SHTN1: variants seen among roughly 807,000 people sequenced by gnomAD.
SHTN1 encodes the protein shootin-1.
Under a neutral mutation model 83.1 loss-of-function variants are expected in SHTN1, and 42 were observed. The ratio of observed to expected loss-of-function variants is 0.51; its 90% confidence interval spans 0.39 to 0.65. The LOEUF (loss-of-function observed/expected upper bound fraction) is 0.65, where lower values mean the gene tolerates loss of function less well. SHTN1 is among the 30% of genes least tolerant of loss of function. The pLI is 0.00. For missense variants in SHTN1, 622 were observed against 737.8 expected (o/e 0.84, Z 1.82); for synonymous variants, 224 against 247.7 (o/e 0.90, Z 0.90).
chr10:117,041,274 A>C (rs1318686991), intron 2 of SHTN1, among the ~76,000 whole-genome samples: 1 of 152,140 alleles, frequency 6.6e-6, no homozygotes, highest in East Asian at 1.9e-4. Context: ...TATTTTCCCA[A>C]TCTAAGTATA....
intron 1 of SHTN1, among the ~76,000 whole-genome samples, chr10:117,089,427 CAT>C (rs1853397348): frequency 6.6e-6 from 1 of 152,060 alleles, no homozygotes; most frequent in African/African-American, 2.4e-5. Context: ...TAACTTACAA[CAT>C]ATAAAAAATT....
chr10:117,005,625 C>A, upstream of SHTN1: 1 of 986,806 alleles, frequency 1.0e-6, no homozygotes, highest in Non-Finnish European at 1.2e-6. Flanking sequence ...GCAGTAGACT[C>A]TGGGGGCGCG....
intron 2 of SHTN1, among the ~76,000 whole-genome samples, chr10:117,016,642 G>A (rs1405247558): frequency 6.6e-6 from 1 of 152,130 alleles, no homozygotes; most frequent in African/African-American, 2.4e-5. Flanking sequence ...CCTGACCTTA[G>A]GTGATCTGCC....
At chr10:117,097,030 GACAC>G (rs5788209) in intron 1 of SHTN1, among the ~76,000 whole-genome samples, 1,671 of 149,042 alleles carry the variant, frequency 0.011, 15 homozygotes, top group Middle Eastern at 0.028. Flanking sequence ...CACACACATA[GACAC>G]ACACACACAC....
intron 16 of SHTN1, among the ~76,000 whole-genome samples, chr10:116,889,458 C>A (rs1033590652): frequency 6.6e-6 from 1 of 152,134 alleles, no homozygotes; most frequent in Non-Finnish European, 1.5e-5. Flanking sequence ...TGAATCTAGG[C>A]ATGGAGGGAG....
chr10:116,909,881 G>A (rs1017292947), intron 14 of SHTN1, among the ~76,000 whole-genome samples: 2 of 151,918 alleles, frequency 1.3e-5, no homozygotes, highest in African/African-American at 4.8e-5. Context: ...GTGTTTTTTG[G>A]TTTCTTGATA....
rs930532421 is a variant in SHTN1, at chr10:116,940,410, T to C, written c.858+56A>G. The C allele has an allele frequency of 3.9e-5, 59 of 1,512,528 alleles. No homozygotes were observed. The Admixed American group carries it at 1.0e-3, about 27-fold the overall frequency. 93.7% of individuals were successfully genotyped at this position (1,512,528 alleles called of 1,614,324 possible). A position where few individuals can be genotyped will look rare whatever the true frequency, so the allele number is the denominator to read the frequency against. ...ACTGGCTCCCTTCATCTTAAATATATGTGTGTATGCATGTATGTGTGTGTG... is the reference window on the plus strand; with the variant it reads ...ACTGGCTCCCTTCATCTTAAATATACGTGTGTATGCATGTATGTGTGTGTG... On this transcript the variant is annotated intron_variant, in intron 9 of 16. Transcript: ENST00000355371.
At chr10:117,020,656 A>T (rs546888797) in intron 2 of SHTN1, among the ~76,000 whole-genome samples, 6 of 152,244 alleles carry the variant, frequency 3.9e-5, no homozygotes, top group African/African-American at 1.4e-4. Flanking sequence ...ATTAAAAAAA[A>T]AACTAATTCA....
intron 1 of SHTN1, among the ~76,000 whole-genome samples, chr10:117,056,792 T>C (rs976348615): frequency 3.9e-5 from 6 of 151,984 alleles, no homozygotes; most frequent in East Asian, 1.9e-4. Context: ...GCCTAGGCAA[T>C]AGAGAGAGAT....
intron 1 of SHTN1, among the ~76,000 whole-genome samples, chr10:117,072,046 C>T (rs1853088268): frequency 6.6e-6 from 1 of 152,168 alleles, no homozygotes; most frequent in South Asian, 2.1e-4. Context: ...TTGTACTTTA[C>T]TGTGTATGTC....
At chr10:117,056,073 T>C (rs1852823090) in intron 1 of SHTN1, among the ~76,000 whole-genome samples, 1 of 152,094 alleles carries the variant, frequency 6.6e-6, no homozygotes, top group Admixed American at 6.6e-5. Context: ...GAAGTTGAAT[T>C]GTAATTAAAA....
chr10:116,943,970 G>C (rs1395478831), intron 8 of SHTN1, among the ~76,000 whole-genome samples: 1 of 152,102 alleles, frequency 6.6e-6, no homozygotes, highest in African/African-American at 2.4e-5. Flanking sequence ...ATGTCAACAG[G>C]TAAGCCGGAA....
intron 15 of SHTN1, among the ~76,000 whole-genome samples, chr10:116,905,665 C>T (rs188680220): frequency 3.9e-4 from 60 of 152,218 alleles, no homozygotes; most frequent in Non-Finnish European, 2.9e-5. Context: ...TAAATTTGGT[C>T]AATGTGACTC....
rs181904579 is a variant in SHTN1, at chr10:117,036,928, C to A, written c.-123+11517G>T. The stretch of plus-strand genomic sequence containing the variant: ...ATACCTTCTATGTATGCACAAAAAA[C>A]AATAAATGGACGACCTTATACAGAT... On this transcript the variant is annotated intron_variant, in intron 2 of 17. Coordinates refer to the SHTN1 transcript ENST00000392901. Among the ~76,000 whole-genome samples the A allele has an allele frequency of 3.8e-3, 580 of 152,152 alleles. 3 individuals are homozygous for A. The highest frequency in any genetic ancestry group is 6.4e-3 in the Non-Finnish European group (436 of 67,998).
intron 1 of SHTN1, among the ~76,000 whole-genome samples, chr10:117,085,363 AT>A (rs1412158738): frequency 6.6e-6 from 1 of 152,132 alleles, no homozygotes; most frequent in African/African-American, 2.4e-5. Context: ...AGTTGAAAAT[AT>A]TTTTAAATTT....
chr10:116,898,869 G>T (rs1847618053), intron 16 of SHTN1, among the ~76,000 whole-genome samples: 1 of 152,004 alleles, frequency 6.6e-6, no homozygotes, highest in Admixed American at 6.6e-5. Context: ...TAAGTCCCTA[G>T]GAAATAAATC....
intron 1 of SHTN1, among the ~76,000 whole-genome samples, chr10:117,085,978 T>C (rs1173936961): frequency 6.9e-6 from 1 of 144,096 alleles, no homozygotes; most frequent in African/African-American, 2.5e-5. Context: ...TGGAGTGCAG[T>C]AGCGTGATCT....
At chr10:116,968,505 C>T (rs747226752) in intron 3 of SHTN1, 147 bp downstream of exon 3, 6 of 560,294 alleles carry the variant, frequency 1.1e-5, no homozygotes, top group South Asian at 3.0e-5. Context: ...TAAAGTGATG[C>T]CTGGGCATGT....
At chr10:116,998,506 ATC>A (rs1343531211) in intron 1 of SHTN1, among the ~76,000 whole-genome samples, 2 of 152,160 alleles carry the variant, frequency 1.3e-5, no homozygotes, top group South Asian at 2.1e-4. Flanking sequence ...AGTTTTTATT[ATC>A]TCTTATTGTG....
Sources: gnomAD v4.1 joint callset for allele counts (sites outside exome capture counted in the v4.1 genomes callset) on GRCh38, gnomAD v4.1.1 for gene constraint, MANE v1.5 for transcripts, NCBI Gene and HGNC (gene_info 2026-07-23, HGNC 2026-07-21) for gene names.